SLC25A29: variants seen among roughly 807,000 people sequenced by gnomAD.
SLC25A29 encodes the protein mitochondrial basic amino acids transporter.
A neutral mutation model predicts 10.0 loss-of-function variants in SLC25A29; 13 were observed. The ratio of observed to expected loss-of-function variants is 1.30; its 90% CI spans 0.85 to 2.07. The LOEUF (loss-of-function observed/expected upper bound fraction) is 2.07. Ranked by LOEUF, SLC25A29 falls within the 30% of genes most tolerant of loss-of-function variation. The probability of loss-of-function intolerance (pLI) is 0.00; values close to 1 mark genes in which losing one functional copy is unlikely to be tolerated. For missense variants in SLC25A29, 475 were observed against 447.6 expected (o/e 1.06, Z -0.55); for synonymous variants, 244 against 221.1 (o/e 1.10, Z -0.92).
chr14:100,280,436 C>T, the SLC25A29 span: 3 of 151,850 alleles, frequency 2.0e-5, no homozygotes, highest in Admixed American at 2.0e-4. Context: ...TTATTATTTC[C>T]CCCTTTTTGG....
intron 1 of SLC25A29, among the ~76,000 whole-genome samples, chr14:100,304,221 G>A (rs1892761167): frequency 6.6e-6 from 1 of 152,174 alleles, no homozygotes; most frequent in South Asian, 2.1e-4. Flanking sequence ...TGGGGTACGG[G>A]TCCCAAGGTG....
In SLC25A29 at chr14:100,295,758, G is replaced by A. The variant is rs751493337; in HGVS notation, c.79-2381C>T. 2.5e-4 allele frequency: 327 copies of A among 1,289,328 alleles called. 1 individual carries two copies. Among genetic ancestry groups the A allele is most frequent in the Non-Finnish European group, 3.0e-4 (292 of 988,790 alleles). The allele number at this position is 1,289,328 out of a possible 1,614,324, so 79.9% of individuals were successfully genotyped here. On this transcript the variant is annotated intron_variant, in intron 2 of 3. Transcript: ENST00000359232. ...AAATTTCAACATCACATCCAGGCGC[G>A]GAGCCCCCACAGCCAGCCCCCACCC...
At chr14:100,295,789 C>T in intron 2 of SLC25A29, 1 of 1,289,630 alleles carries the variant, frequency 7.8e-7, no homozygotes, top group Non-Finnish European at 1.0e-6. Context: ...CACCCACACT[C>T]CCCATCCCAT....
chr14:100,294,423 C>T (rs1052682260), intron 2 of SLC25A29: 2 of 152,274 alleles, frequency 1.3e-5, no homozygotes, highest in Non-Finnish European at 2.9e-5. Context: ...GGTCAAGTCA[C>T]ATTCTCAGGG....
chr14:100,292,186 G>A lies in SLC25A29; in HGVS notation c.*97C>T. 6.8e-7 allele frequency: 1 copy of A among 1,461,976 alleles called. No individual in the cohort carries two copies. Among genetic ancestry groups the A allele is most frequent in the South Asian group, 1.2e-5 (1 of 82,006 alleles). The allele number at this position is 1,461,976 out of a possible 1,614,324, so 90.6% of individuals were successfully genotyped here. On this transcript the variant is annotated 3_prime_UTR_variant, in exon 4 of 4. Transcript: ENST00000359232. ...CCACGTCTGATAGACTCCACAGCTC[G>A]CAGCATCCCAGCAGGAAGCAGGGCA...
intron 2 of SLC25A29, chr14:100,298,609 A>C (rs1892329572): frequency 3.4e-6 from 2 of 595,040 alleles, no homozygotes; most frequent in Non-Finnish European, 6.0e-6. Context: ...AAACCTCAGC[A>C]CCTCGGTTCC....
chr14:100,286,934 C>G (rs1271282323), downstream of SLC25A29, among the ~76,000 whole-genome samples: 1 of 152,246 alleles, frequency 6.6e-6, no homozygotes, highest in Non-Finnish European at 1.5e-5. Context: ...TGGCCTTGGA[C>G]AGGGACCCTC....
In SLC25A29 at chr14:100,292,302, G is replaced by C. The variant is rs1194934351; in HGVS notation, c.893C>G (p.Ala298Gly). The C allele has an allele frequency of 2.0e-6, 3 of 1,524,346 alleles. No individual in the cohort carries two copies. Among genetic ancestry groups the C allele is most frequent in the African/African-American group, 2.8e-5 (2 of 71,812 alleles). 94.4% of individuals were successfully genotyped at this position (1,524,346 alleles called of 1,614,324 possible). The change falls in exon 4 of 4, where the codon GCG (alanine) becomes GGG (glycine). Residue 298 changes from alanine (A) to glycine (G), a missense_variant. Transcript: ENST00000359232. The stretch of plus-strand genomic sequence containing the variant: ...TGAGCGTCACAGGCTGGAGGGCTGC[G>C]CCAGGGCAGGCCCCGCAGGGGCGGC... ...VPAAPAGPAL[A>G]QPSSL
rs755757773 is a variant in SLC25A29, at chr14:100,306,275, C to A, written c.-43G>T. 5 of 1,391,416 alleles carry A rather than the reference C, an allele frequency of 3.6e-6. No individual in the cohort carries two copies. The highest frequency in any genetic ancestry group is 3.5e-5 in the South Asian group (2 of 56,874). The allele number at this position is 1,391,416 out of a possible 1,614,324, so 86.2% of individuals were successfully genotyped here. On this transcript the variant is annotated 5_prime_UTR_variant, in exon 1 of 4. Coordinates refer to ENST00000359232, the MANE Select transcript of SLC25A29 (RefSeq NM_001039355.3). ...GGCCGCCTTTCCTCCTCGTCCTCCC[C>A]CTGAGGCCCCTCGCCGGGCTGGGCG... is the stretch of plus-strand genomic sequence containing the variant.
Position 100,293,274 on chromosome 14 carries a change from C to T in SLC25A29, c.162+20G>A. The T allele has an allele frequency of 6.2e-7, 1 of 1,611,896 alleles. No individual in the cohort carries two copies. Among genetic ancestry groups the T allele is most frequent in the Non-Finnish European group, 8.5e-7 (1 of 1,179,474 alleles). ...TCCCCATCCTGTGCCTCCCGAGCCC[C>T]ACCAGCCCAGGCCACTCACGCTCTC... On this transcript the variant is annotated intron_variant, in intron 3 of 3. Transcript: ENST00000359232.
At chr14:100,300,938 C>T (rs1035765128) in intron 1 of SLC25A29, among the ~76,000 whole-genome samples, 2 of 152,146 alleles carry the variant, frequency 1.3e-5, no homozygotes, top group African/African-American at 4.8e-5. Context: ...CTCGCTCTGT[C>T]GCCCAGGCTG....
At chr14:100,283,503 A>C in the SLC25A29 span, among the ~76,000 whole-genome samples, 4 of 121,028 alleles carry the variant, frequency 3.3e-5, no homozygotes, top group South Asian at 8.3e-4. Context: ...TTTTTTTTTT[A>C]GATGGAGTAT....
At chr14:100,287,541 C>T (rs1300054993), downstream of SLC25A29, among the ~76,000 whole-genome samples, 2 of 152,116 alleles carry the variant, frequency 1.3e-5, no homozygotes, top group Non-Finnish European at 2.9e-5. Context: ...CATAGTTTCG[C>T]CTCCCTTGAC....
chr14:100,286,432 C>G (rs1891543349), downstream of SLC25A29, among the ~76,000 whole-genome samples: 2 of 141,442 alleles, frequency 1.4e-5, no homozygotes, highest in South Asian at 4.3e-4. Context: ...GACATCATTA[C>G]AGCTGGCGTG....
At chr14:100,287,035 T>C (rs1411620418), downstream of SLC25A29, among the ~76,000 whole-genome samples, 2 of 152,238 alleles carry the variant, frequency 1.3e-5, no homozygotes, top group Non-Finnish European at 2.9e-5. Flanking sequence ...TGCATAGGGC[T>C]GAGCCATCCC....
rs756730756 is a variant in SLC25A29, at chr14:100,292,973, C to A, written c.222G>T (p.Ala74=). The change falls in exon 4 of 4, where the codon GCG becomes GCT. Residue 74 remains alanine (A), a synonymous_variant. Coordinates refer to ENST00000359232, the MANE Select transcript of SLC25A29 (RefSeq NM_001039355.3). ...TGTTGCCCTGCACCCCGAACACCAG[C>A]GCGTTGATGAAGGTGAGCCCCATGA... ...SPLMGLTFIN[A]LVFGVQGNTL... is the part of the protein sequence containing the mutation. 1.3e-6 allele frequency: 2 copies of A among 1,598,200 alleles called. No individual in the cohort carries two copies. The highest frequency in any genetic ancestry group is 1.7e-5 in the Admixed American group (1 of 58,734).
chr14:100,304,947 A>C (rs1419353884), intron 1 of SLC25A29: 1 of 152,194 alleles, frequency 6.6e-6, no homozygotes, highest in East Asian at 1.9e-4. Context: ...GCTGGAGCTG[A>C]TAGTGGGTGG....
chr14:100,305,181 C>T (rs1457081434), intron 1 of SLC25A29: 2 of 136,570 alleles, frequency 1.5e-5, no homozygotes, highest in Non-Finnish European at 3.2e-5. Context: ...AGTCTCTCCC[C>T]CAAGAAGCAG....
intron 1 of SLC25A29, among the ~76,000 whole-genome samples, chr14:100,300,516 G>A (rs1173809145): frequency 6.6e-6 from 1 of 152,096 alleles, no homozygotes; most frequent in African/African-American, 2.4e-5. Flanking sequence ...CCAAGTAGCT[G>A]AGACAACAGG....
Sources: allele counts gnomAD v4.1 joint callset (sites outside exome capture counted in the v4.1 genomes callset), GRCh38; gene constraint gnomAD v4.1.1; transcripts MANE v1.5; gene names NCBI Gene and HGNC (gene_info 2026-07-23, HGNC 2026-07-21).